GNE: variants seen among roughly 807,000 people sequenced by gnomAD.
GNE encodes bifunctional UDP-N-acetylglucosamine 2-epimerase/N-acetylmannosamine kinase.
GNE carries 41 observed loss-of-function variants against 61.8 expected under a neutral mutation model. The ratio of observed to expected loss-of-function variants is 0.66; its 90% CI spans 0.52 to 0.86. GNE has a LOEUF of 0.86. GNE is among the 40% of genes least tolerant of loss of function. The pLI is 0.00. For missense variants in GNE, 608 were observed against 909.1 expected, an observed-to-expected ratio of 0.67 and a Z score of 4.26; for synonymous variants, 264 against 326.4, an observed-to-expected ratio of 0.81 and a Z score of 2.06.
intron 1 of GNE, among the ~76,000 whole-genome samples, chr9:36,273,437 G>A (rs936302241): frequency 1.3e-5 from 2 of 151,628 alleles, no homozygotes; most frequent in African/African-American, 4.8e-5. Flanking sequence ...GGCTGGTCTC[G>A]AACTCCTGAT....
chr9:36,218,144 C>T lies in GNE; in HGVS notation c.1933+39G>A, dbSNP rs752962411. ...GGCTGGGCCATATGATATCTGAGGC[C>T]ACCCCCTGCAGCACAGCCACCTGCA... On this transcript the variant is annotated intron_variant, in intron 11 of 11. Coordinates refer to ENST00000642385, the MANE Select transcript of GNE (RefSeq NM_005476.7). The surrounding 1 kb of genome is among the most constrained non-coding windows in gnomAD (Gnocchi z 4.1). 2 of 1,384,040 alleles carry T rather than the reference C, an allele frequency of 1.4e-6. No homozygotes were observed. Among genetic ancestry groups the T allele is most frequent in the South Asian group, 1.2e-5 (1 of 86,504 alleles). The allele number at this position is 1,384,040 out of a possible 1,614,324, so 85.7% of individuals were successfully genotyped here.
chr9:36,227,757 T>A (rs1025761764), intron 6 of GNE, among the ~76,000 whole-genome samples: 2 of 152,028 alleles, frequency 1.3e-5, no homozygotes, highest in Non-Finnish European at 2.9e-5. Context: ...ATAAATAGGC[T>A]GGGTGCAGTG....
intron 5 of GNE, among the ~76,000 whole-genome samples, chr9:36,229,698 A>T (rs1829052326): frequency 6.6e-6 from 1 of 152,178 alleles, no homozygotes; most frequent in Non-Finnish European, 1.5e-5. Context: ...GAGGTTAAAT[A>T]AAGAAGGATG....
intron 3 of GNE, among the ~76,000 whole-genome samples, chr9:36,238,111 G>T (rs1587321698): frequency 8.0e-6 from 1 of 124,506 alleles, no homozygotes; most frequent in African/African-American, 3.3e-5. Flanking sequence ...GATATAAATA[G>T]ATATATATAG....
chr9:36,233,732 G>A, intron 5 of GNE, 188 bp downstream of exon 5: 1 of 673,224 alleles, frequency 1.5e-6, no homozygotes. Flanking sequence ...AATGTAAGTA[G>A]AGATCTAAAA....
At chr9:36,241,321 T>C (rs976400289) in intron 3 of GNE, among the ~76,000 whole-genome samples, 1 of 152,204 alleles carries the variant, frequency 6.6e-6, no homozygotes, top group Non-Finnish European at 1.5e-5. Context: ...TTCACCATGT[T>C]GGCCAGGATG....
At position 36,276,897 on chromosome 9, in the gene GNE, A is replaced by T. The variant is rs769211820; in HGVS notation, c.48T>A (p.Pro16=). 7.5e-6 allele frequency: 12 copies of T among 1,609,640 alleles called. No homozygotes were observed. The highest frequency in any genetic ancestry group is 1.0e-5 in the Non-Finnish European group (12 of 1,176,988). Residue 16 remains proline, a synonymous_variant, in exon 1 of 12, where the codon CCT becomes CCA. Coordinates refer to the GNE transcript ENST00000396594. Reference sequence around the variant, plus strand: ...TATTGAATTCCGAATTACTTACATGAGGTCCTTGAAAGCATGACTCCCTCT... The same window carrying T: ...TATTGAATTCCGAATTACTTACATGTGGTCCTTGAAAGCATGACTCCCTCT...
At chr9:36,254,134 G>A (rs1830231022) in intron 1 of GNE, among the ~76,000 whole-genome samples, 1 of 152,022 alleles carries the variant, frequency 6.6e-6, no homozygotes, top group African/African-American at 2.4e-5. Flanking sequence ...GAACCCAGGA[G>A]GCAGAGGTTG....
Position 36,218,170 on chromosome 9 carries a change from G to T in GNE, c.1933+13C>A. 6.3e-7 allele frequency: 1 copy of T among 1,578,864 alleles called. No homozygotes were observed. Among genetic ancestry groups the T allele is most frequent in the Non-Finnish European group, 8.7e-7 (1 of 1,147,880 alleles). On this transcript the variant is annotated intron_variant, in intron 11 of 11. Transcript: ENST00000642385. The surrounding 1 kb of genome is among the most constrained non-coding windows in gnomAD (Gnocchi z 4.1). ...ACCCCCTGCAGCACAGCCACCTGCA[G>T]CCACATGCTCACCTGTTCTTAGGAT...
rs1563940520 is a variant in GNE at position 36,237,120 on chromosome 9, C to G, written c.617-136G>C. 5.7e-6 allele frequency: 4 copies of G among 698,668 alleles called. No homozygotes were observed. In the African/African-American group the frequency reaches 7.1e-5, roughly 12 times the overall value. 43.3% of individuals were successfully genotyped at this position (698,668 alleles called of 1,614,324 possible). A position where few individuals can be genotyped will look rare whatever the true frequency, so the allele number is the denominator to read the frequency against. ...TAGAAACAGTTTGTCAAATTGTGAA[C>G]AGGGCATCCAAATTAGAGTCAAATG... On this transcript the variant is annotated intron_variant, in intron 3 of 11. Coordinates refer to ENST00000642385, the MANE Select transcript of GNE (RefSeq NM_005476.7).
intron 1 of GNE, among the ~76,000 whole-genome samples, chr9:36,272,770 CATA>C (rs1831083080): frequency 6.6e-6 from 1 of 150,878 alleles, no homozygotes; most frequent in Non-Finnish European, 1.5e-5. Context: ...GGATTGGAAT[CATA>C]AGAATGTGGA....
intron 3 of GNE, among the ~76,000 whole-genome samples, chr9:36,241,934 G>C (rs1183223561): frequency 6.6e-6 from 1 of 152,030 alleles, no homozygotes; most frequent in Non-Finnish European, 1.5e-5. Context: ...TCAGGAGTTC[G>C]AGACGAACTT....
intron 1 of GNE, among the ~76,000 whole-genome samples, chr9:36,272,011 C>T (rs1346536849): frequency 1.3e-5 from 2 of 152,194 alleles, no homozygotes; most frequent in African/African-American, 2.4e-5. Flanking sequence ...CAAATTGCTT[C>T]TACTCAACTG....
At chr9:36,229,776 A>G (rs1279182150) in intron 5 of GNE, among the ~76,000 whole-genome samples, 1 of 152,144 alleles carries the variant, frequency 6.6e-6, no homozygotes, top group Non-Finnish European at 1.5e-5. Flanking sequence ...CACAGGTAGA[A>G]GGATGGGCAG....
At chr9:36,248,169 A>G (rs988230298) in intron 2 of GNE, among the ~76,000 whole-genome samples, 7 of 152,172 alleles carry the variant, frequency 4.6e-5, no homozygotes, top group African/African-American at 1.7e-4. Context: ...TTTTAACGCA[A>G]GGTTCTTTCA....
In GNE at chr9:36,249,197, G is replaced by A. The variant is rs1830018253; in HGVS notation, c.159C>T (p.Asp53=). ...VVVLGSHLID[D]YGNTYRMIEQ... ...AGAAAATGCTTTCATCTTACCCATAGTCATCTATCAGGTGAGAGCCAAGTA... is the reference window on the plus strand; with the variant it reads ...AGAAAATGCTTTCATCTTACCCATAATCATCTATCAGGTGAGAGCCAAGTA... Residue 53 remains aspartate, a synonymous_variant, in exon 2 of 12, where the codon GAC becomes GAT. Transcript: ENST00000642385. 2.5e-6 allele frequency: 4 copies of A among 1,610,846 alleles called. No individual in the cohort carries two copies. The highest frequency in any genetic ancestry group is 2.5e-6 in the Non-Finnish European group (3 of 1,177,032).
chr9:36,254,101 A>G (rs1830229786), intron 1 of GNE, among the ~76,000 whole-genome samples: 1 of 152,148 alleles, frequency 6.6e-6, no homozygotes, highest in Non-Finnish European at 1.5e-5. Context: ...GCTGCTTGGG[A>G]GGCTGAGGCA....
At chr9:36,275,763 A>C (rs1831238849) in intron 1 of GNE, among the ~76,000 whole-genome samples, 1 of 152,246 alleles carries the variant, frequency 6.6e-6, no homozygotes, top group East Asian at 1.9e-4. Flanking sequence ...GTGCTAATAA[A>C]AAATAAAAAT....
Position 36,215,572 on chromosome 9 carries a change from C to T in GNE, c.*1793G>A, listed in dbSNP as rs977758584. On this transcript the variant is annotated 3_prime_UTR_variant, in exon 12 of 12. Transcript: ENST00000642385. ...CCTGGGATCAAACCCTCTCTCTAGCCCCATAGCTTAACAGTCAAACACACC... is the reference window on the plus strand; with the variant it reads ...CCTGGGATCAAACCCTCTCTCTAGCTCCATAGCTTAACAGTCAAACACACC... 6.6e-6 allele frequency: 1 copy of T among 152,048 alleles called. No homozygotes were observed. Among genetic ancestry groups the T allele is most frequent in the Non-Finnish European group, 1.5e-5 (1 of 68,004 alleles). The allele number at this position is 152,048 out of a possible 1,614,324, so 9.4% of individuals were successfully genotyped here.
Sources: gnomAD v4.1 joint callset for allele counts (sites outside exome capture counted in the v4.1 genomes callset) on GRCh38, gnomAD v4.1.1 for gene constraint, Gnocchi (gnomAD v3.1) non-coding constraint, MANE v1.5 for transcripts, NCBI Gene and HGNC (gene_info 2026-07-23, HGNC 2026-07-21) for gene names.